Variants in DNM3 observed in about 807,000 individuals in gnomAD.
DNM3 encodes dynamin 3.
In DNM3, 47 loss-of-function variants were observed where a neutral mutation model predicts 101.6. The observed-to-expected ratio is 0.46, with a 90% confidence interval of 0.37 to 0.59. The LOEUF is 0.59. Ranked by LOEUF, DNM3 falls within the 20% of genes least tolerant of loss-of-function variation. The pLI, the probability that DNM3 is intolerant of heterozygous loss-of-function variation, is 0.00. For missense variants in DNM3, 849 were observed against 1,085.7 expected (o/e 0.78, Z 3.06); for synonymous variants, 385 against 387.9 (o/e 0.99, Z 0.09).
intron 14 of DNM3, chr1:172,133,093 G>A: frequency 7.0e-7 from 1 of 1,435,052 alleles, no homozygotes; most frequent in South Asian, 1.6e-5. Context: ...AGGCATCTCA[G>A]CATTGACATG....
intron 14 of DNM3, among the ~76,000 whole-genome samples, chr1:172,244,512 AAAAC>A (rs1317002397): frequency 1.3e-5 from 2 of 151,774 alleles, no homozygotes; most frequent in South Asian, 2.1e-4. Context: ...TTACAAGAAA[AAAAC>A]AAACAACCCC....
chr1:172,282,005 T>A (rs559981870), intron 15 of DNM3, among the ~76,000 whole-genome samples: 2 of 152,320 alleles, frequency 1.3e-5, no homozygotes, highest in Admixed American at 1.3e-4. Flanking sequence ...TTATATAACA[T>A]TGGCATTGAA....
chr1:171,975,307 C>T (rs769905507), intron 2 of DNM3, among the ~76,000 whole-genome samples: 1 of 152,070 alleles, frequency 6.6e-6, no homozygotes, highest in Non-Finnish European at 1.5e-5. Context: ...TGTCATATGT[C>T]CAAGAATTTC....
chr1:172,169,429 T>C (rs557315208), intron 14 of DNM3, among the ~76,000 whole-genome samples: 1 of 152,098 alleles, frequency 6.6e-6, no homozygotes, highest in East Asian at 1.9e-4. Context: ...AATCTTTTCA[T>C]CCTATCATTG....
chr1:172,027,277 A>G (rs1394548069), intron 4 of DNM3, among the ~76,000 whole-genome samples: 4 of 152,126 alleles, frequency 2.6e-5, no homozygotes, highest in Admixed American at 2.6e-4. Context: ...AAAGGGTTAA[A>G]TCACCCAATT....
chr1:172,320,593 A>G (rs936540020), intron 16 of DNM3, among the ~76,000 whole-genome samples: 7 of 152,130 alleles, frequency 4.6e-5, no homozygotes, highest in African/African-American at 1.7e-4. Flanking sequence ...TATTTTTATT[A>G]TTTAAAATCA....
chr1:172,092,920 T>C, intron 13 of DNM3, 45 bp downstream of exon 13: 1 of 1,502,706 alleles, frequency 6.7e-7, no homozygotes, highest in Non-Finnish European at 9.0e-7. Context: ...TCCCAAAGAA[T>C]TTGAACTAAA....
At chr1:172,331,241 T>A (rs1164361098) in intron 17 of DNM3, among the ~76,000 whole-genome samples, 1 of 152,172 alleles carries the variant, frequency 6.6e-6, no homozygotes, top group Admixed American at 6.6e-5. Context: ...ATACAAATAA[T>A]GTATACTGTC....
chr1:172,013,755 G>C lies in DNM3; in HGVS notation c.590-18647G>C, dbSNP rs114678122. 6.3e-3 allele frequency among the ~76,000 whole-genome samples: 965 copies of C among 152,024 alleles called. 17 individuals are homozygous for C. The highest frequency in any genetic ancestry group is 0.022 in the African/African-American group (913 of 41,500). On this transcript the variant is annotated intron_variant, in intron 4 of 20. Coordinates refer to ENST00000627582, the MANE Select transcript of DNM3 (RefSeq NM_015569.5). ...TGGGAATGGGATTATAAAGGTGAGGGGGGCATGTGAAGAAGTAAAAGTCAT... is the reference window on the plus strand; with the variant it reads ...TGGGAATGGGATTATAAAGGTGAGGCGGGCATGTGAAGAAGTAAAAGTCAT...
intron 14 of DNM3, among the ~76,000 whole-genome samples, chr1:172,157,264 T>C (rs1176334763): frequency 6.6e-6 from 1 of 152,028 alleles, no homozygotes; most frequent in Non-Finnish European, 1.5e-5. Context: ...CAGTTCACAA[T>C]TGGGTTTGCA....
chr1:172,042,183 A>G, intron 8 of DNM3, 39 bp downstream of exon 8: 2 of 1,553,200 alleles, frequency 1.3e-6, no homozygotes, highest in South Asian at 1.3e-5. Context: ...GTTTCACTTC[A>G]CTTCCATATT....
chr1:172,360,044 CA>C (rs1458880661), intron 17 of DNM3, among the ~76,000 whole-genome samples: 1 of 151,970 alleles, frequency 6.6e-6, no homozygotes, highest in Non-Finnish European at 1.5e-5. Context: ...TACTTTAGCA[CA>C]CTAAAATTGA....
intron 2 of DNM3, among the ~76,000 whole-genome samples, chr1:171,942,172 C>A (rs1163088144): frequency 1.4e-5 from 2 of 146,398 alleles, no homozygotes; most frequent in Admixed American, 6.9e-5. Context: ...TGTCTTAGAT[C>A]CAGAATGTTT....
intron 1 of DNM3, among the ~76,000 whole-genome samples, chr1:171,842,958 A>G (rs530574054): frequency 2.0e-5 from 3 of 152,238 alleles, no homozygotes; most frequent in Non-Finnish European, 4.4e-5. Context: ...CCAAGAAAAA[A>G]TGCTGGCGAG....
chr1:172,023,166 G>C (rs1056836910), intron 4 of DNM3, among the ~76,000 whole-genome samples: 2 of 151,842 alleles, frequency 1.3e-5, no homozygotes, highest in African/African-American at 4.8e-5. Context: ...ATCTCTTCAG[G>C]ACTCTCTGTT....
At chr1:172,169,890 A>C (rs1412894296) in intron 14 of DNM3, among the ~76,000 whole-genome samples, 1 of 151,896 alleles carries the variant, frequency 6.6e-6, no homozygotes, top group Non-Finnish European at 1.5e-5. Context: ...CTTTTGAAGA[A>C]TTTTGATTTT....
chr1:172,165,616 T>C (rs2058717036), intron 14 of DNM3, among the ~76,000 whole-genome samples: 1 of 151,994 alleles, frequency 6.6e-6, no homozygotes, highest in African/African-American at 2.4e-5. Flanking sequence ...CCCTTCTACC[T>C]CATGAAATCT....
At chr1:172,294,192 A>C (rs541019658) in intron 15 of DNM3, among the ~76,000 whole-genome samples, 3 of 152,344 alleles carry the variant, frequency 2.0e-5, no homozygotes, top group Non-Finnish European at 4.4e-5. Context: ...AAAATTTCCA[A>C]CAATAAACTT....
At chr1:172,281,067 TTGTGTGTGTG>T (rs141875053) in intron 15 of DNM3, among the ~76,000 whole-genome samples, 6 of 148,612 alleles carry the variant, frequency 4.0e-5, no homozygotes, top group Non-Finnish European at 7.5e-5. Flanking sequence ...TGTGATAATA[TTGTGTGTGTG>T]TGTGTGTGTG....
Sources: allele counts gnomAD v4.1 joint callset (sites outside exome capture counted in the v4.1 genomes callset), GRCh38; gene constraint gnomAD v4.1.1; transcripts MANE v1.5; gene names NCBI Gene and HGNC (gene_info 2026-07-23, HGNC 2026-07-21).